TAFA4: variants seen among roughly 807,000 people sequenced by gnomAD.
TAFA4 encodes TAFA chemokine like family member 4, also known as chemokine-like protein TAFA-4.
TAFA4 carries 20 observed loss-of-function variants against 21.1 expected under a neutral mutation model. That is an observed-to-expected ratio of 0.95 (90% confidence interval 0.67 to 1.38). The LOEUF (loss-of-function observed/expected upper bound fraction) is 1.38. Among genes scored for constraint, TAFA4 ranks in the 40% most tolerant of loss-of-function variants. TAFA4 has a pLI of 0.00. For missense variants in TAFA4, 211 were observed against 180.9 expected, an observed-to-expected ratio of 1.17 and a Z score of -0.95; for synonymous variants, 71 against 67.4, an observed-to-expected ratio of 1.05 and a Z score of -0.26.
At chr3:68,758,005 C>A (rs1032283933) in intron 3 of TAFA4, among the ~76,000 whole-genome samples, 1 of 151,986 alleles carries the variant, frequency 6.6e-6, no homozygotes, top group African/African-American at 2.4e-5. Flanking sequence ...CCGATTTTAT[C>A]TTTAAGAAAA....
chr3:68,790,507 A>T (rs1703342544), intron 3 of TAFA4, among the ~76,000 whole-genome samples: 1 of 152,206 alleles, frequency 6.6e-6, no homozygotes, highest in African/African-American at 2.4e-5. Flanking sequence ...ATAAAGTGAG[A>T]ATACTCATAA....
chr3:68,896,843 G>C (rs569881404), intron 1 of TAFA4, among the ~76,000 whole-genome samples: 2 of 152,150 alleles, frequency 1.3e-5, no homozygotes, highest in African/African-American at 2.4e-5. Context: ...TAAGGTCCAA[G>C]TTTCAACAAT....
chr3:68,782,102 C>T (rs1419193035), intron 3 of TAFA4, among the ~76,000 whole-genome samples: 4 of 152,094 alleles, frequency 2.6e-5, no homozygotes, highest in Admixed American at 6.5e-5. Context: ...AAATCTATAT[C>T]TGACAAGGGT....
At chr3:68,804,663 T>C (rs143672060) in intron 3 of TAFA4, among the ~76,000 whole-genome samples, 2,633 of 152,222 alleles carry the variant, frequency 0.017, 78 homozygotes, top group African/African-American at 0.061. Context: ...TCTACAACTA[T>C]CTGATCTTTG....
At position 68,880,852 on chromosome 3, in the gene TAFA4, GA is replaced by G. The variant is rs2089609922; in HGVS notation, c.15-8del. The G allele has an allele frequency of 1.9e-6, 3 of 1,611,470 alleles. No individual in the cohort carries two copies. Among genetic ancestry groups the G allele is most frequent in the African/African-American group, 1.3e-5 (1 of 74,876 alleles). On this transcript the variant is annotated splice_region_variant and splice_polypyrimidine_tract_variant and intron_variant, in intron 2 of 5. Coordinates refer to ENST00000295569, the MANE Select transcript of TAFA4 (RefSeq NM_182522.5). ...CTTAGCACAGACTCTCATCCTGGAGGAAAAGCAGGGCTGGAGTCAGTGAGGG... is the reference window on the plus strand; with the variant it reads ...CTTAGCACAGACTCTCATCCTGGAGGAAAGCAGGGCTGGAGTCAGTGAGGG...
chr3:68,838,931 CA>C (rs1704588428), intron 3 of TAFA4, among the ~76,000 whole-genome samples: 1 of 151,938 alleles, frequency 6.6e-6, no homozygotes, highest in Non-Finnish European at 1.5e-5. Flanking sequence ...ACCCCGTCTC[CA>C]CAAAAAAAGA....
chr3:68,910,232 A>G (rs2089947964), intron 1 of TAFA4, among the ~76,000 whole-genome samples: 1 of 152,186 alleles, frequency 6.6e-6, no homozygotes, highest in Admixed American at 6.5e-5. Context: ...CACCCATCTC[A>G]AGGGGAGGTG....
intron 1 of TAFA4, among the ~76,000 whole-genome samples, chr3:68,905,295 A>G (rs2089888772): frequency 6.6e-6 from 1 of 151,048 alleles, no homozygotes; most frequent in Non-Finnish European, 1.5e-5. Context: ...TCAGCTTCCC[A>G]AGTAGTTGGA....
At chr3:68,893,388 G>C (rs1466885140) in intron 1 of TAFA4, among the ~76,000 whole-genome samples, 1 of 152,162 alleles carries the variant, frequency 6.6e-6, no homozygotes, top group African/African-American at 2.4e-5. Context: ...GGAGAATAAT[G>C]TCTTATTTCT....
intron 3 of TAFA4, among the ~76,000 whole-genome samples, chr3:68,811,331 T>C (rs1703833235): frequency 1.3e-5 from 2 of 152,134 alleles, no homozygotes; most frequent in South Asian, 4.1e-4. Context: ...GAGAATGACT[T>C]CGACAAGCTG....
At chr3:68,849,904 A>AT (rs1172112195) in intron 3 of TAFA4, among the ~76,000 whole-genome samples, 1 of 151,960 alleles carries the variant, frequency 6.6e-6, no homozygotes, top group Admixed American at 6.6e-5. Context: ...CCTTCGAAGG[A>AT]TTTTTTTTCT....
intron 4 of TAFA4, among the ~76,000 whole-genome samples, chr3:68,743,666 C>G: frequency 6.6e-6 from 1 of 152,064 alleles, no homozygotes; most frequent in Middle Eastern, 3.4e-3. Context: ...AGCTGTGTCA[C>G]TTTCAAAGCA....
intron 3 of TAFA4, among the ~76,000 whole-genome samples, chr3:68,756,236 C>T (rs1251020617): frequency 6.6e-6 from 1 of 152,186 alleles, no homozygotes; most frequent in East Asian, 1.9e-4. Context: ...GCTGGGGAGA[C>T]TTACCTTTGC....
chr3:68,899,871 A>T (rs1336020676), intron 1 of TAFA4, among the ~76,000 whole-genome samples: 1 of 152,158 alleles, frequency 6.6e-6, no homozygotes, highest in Non-Finnish European at 1.5e-5. Context: ...GATCACCATA[A>T]TATGCAGTGT....
chr3:68,861,406 T>G (rs2089342397), intron 3 of TAFA4, among the ~76,000 whole-genome samples: 1 of 152,030 alleles, frequency 6.6e-6, no homozygotes, highest in Admixed American at 6.6e-5. Flanking sequence ...GATTCAATAT[T>G]CTCTCATTCA....
chr3:68,796,603 A>G (rs919092130), intron 3 of TAFA4, among the ~76,000 whole-genome samples: 1 of 152,210 alleles, frequency 6.6e-6, no homozygotes, highest in African/African-American at 2.4e-5. Context: ...AGATATGACC[A>G]AAAGCGTAAG....
chr3:68,932,201 A>G (rs1471400089), intron 1 of TAFA4, 39 bp downstream of exon 1: 1 of 144,980 alleles, frequency 6.9e-6, no homozygotes, highest in Admixed American at 6.9e-5. Flanking sequence ...CCCCCACCCC[A>G]TCCTCTCGCC....
chr3:68,831,037 C>T (rs545466053), intron 3 of TAFA4, among the ~76,000 whole-genome samples: 1 of 152,248 alleles, frequency 6.6e-6, no homozygotes, highest in African/African-American at 2.4e-5. Context: ...TTTCCATTTG[C>T]TTGGTAGATC....
chr3:68,770,771 G>A (rs1702940829), intron 3 of TAFA4, among the ~76,000 whole-genome samples: 1 of 152,194 alleles, frequency 6.6e-6, no homozygotes, highest in African/African-American at 2.4e-5. Context: ...GAAGAGGGCA[G>A]GGAAGTGCCA....
Sources: gnomAD v4.1 joint callset for allele counts (sites outside exome capture counted in the v4.1 genomes callset) on GRCh38, gnomAD v4.1.1 for gene constraint, MANE v1.5 for transcripts, NCBI Gene and HGNC (gene_info 2026-07-23, HGNC 2026-07-21) for gene names.